ANO1: variants seen among roughly 807,000 people sequenced by gnomAD.
ANO1 encodes the protein anoctamin-1.
Under a neutral mutation model 124.0 loss-of-function variants are expected in ANO1, and 59 were observed. The ratio of observed to expected loss-of-function variants is 0.48; its 90% CI spans 0.39 to 0.59. The LOEUF (loss-of-function observed/expected upper bound fraction) is 0.59. ANO1 is among the 20% of genes least tolerant of loss of function. The pLI is 0.00. For missense variants in ANO1, 1,059 were observed against 1,328.0 expected, an observed-to-expected ratio of 0.80 and a Z score of 3.15; for synonymous variants, 529 against 532.0, an observed-to-expected ratio of 0.99 and a Z score of 0.08.
At chr11:70,067,392 A>G (rs536217467) in intron 1 of ANO1, among the ~76,000 whole-genome samples, 1 of 147,622 alleles carries the variant, frequency 6.8e-6, no homozygotes, top group East Asian at 2.0e-4. Context: ...CAGTGGCGCA[A>G]TCTCCGCTCA....
intron 11 of ANO1, among the ~76,000 whole-genome samples, chr11:70,144,408 C>G (rs932555913): frequency 2.6e-5 from 4 of 152,224 alleles, no homozygotes; most frequent in African/African-American, 9.6e-5. Context: ...GTGATAGACC[C>G]TCTCAGGCAG....
rs763332904 is a variant in ANO1 at position 70,095,360 on chromosome 11, AAG to A, written c.441+7278_441+7279del. Among the ~76,000 whole-genome samples, 114 of 22,414 alleles carry A rather than the reference AAG, an allele frequency of 5.1e-3. 5 individuals carry two copies. Among genetic ancestry groups the A allele is most frequent in the African/African-American group, 0.013 (101 of 7,668 alleles). 14.7% of individuals were successfully genotyped at this position (22,414 alleles called of 152,430 possible). ...AAAGAGAAAGAAAAAGAAAGAAAGA[AAG>A]AAAGAAAGAAAGAAAGAAAGAAAGA... On this transcript the variant is annotated intron_variant, in intron 2 of 25. Transcript: ENST00000355303.
chr11:70,159,483 T>C (rs547072495), intron 16 of ANO1, among the ~76,000 whole-genome samples: 346 of 152,322 alleles, frequency 2.3e-3, no homozygotes, highest in Non-Finnish European at 3.8e-3. Flanking sequence ...GGTAAACCCC[T>C]GTCACAAGGG....
intron 1 of ANO1, among the ~76,000 whole-genome samples, chr11:70,069,993 C>T (rs1555009113): frequency 6.6e-6 from 1 of 152,202 alleles, no homozygotes; most frequent in Non-Finnish European, 1.5e-5. Flanking sequence ...ATTTTGTCTA[C>T]ATAAGCGAAG....
chr11:69,966,195 C>G, the ANO1 span, among the ~76,000 whole-genome samples: 1 of 152,228 alleles, frequency 6.6e-6, no homozygotes, highest in Non-Finnish European at 1.5e-5. Flanking sequence ...GCAACCGTGG[C>G]TTTTCAAAGC....
intron 11 of ANO1, among the ~76,000 whole-genome samples, chr11:70,147,081 A>T (rs1203647371): frequency 1.3e-5 from 2 of 152,266 alleles, no homozygotes; most frequent in Admixed American, 1.3e-4. Context: ...CACAGCGGGT[A>T]AACAGGCCAA....
chr11:70,019,502 G>A (rs1856763491), intron 1 of ANO1, among the ~76,000 whole-genome samples: 1 of 152,140 alleles, frequency 6.6e-6, no homozygotes, highest in African/African-American at 2.4e-5. Context: ...CCCTCTGGGT[G>A]TGCAGGAGCC....
At chr11:70,047,265 C>A (rs1279106078) in intron 1 of ANO1, among the ~76,000 whole-genome samples, 1 of 151,916 alleles carries the variant, frequency 6.6e-6, no homozygotes, top group Non-Finnish European at 1.5e-5. Flanking sequence ...AAGATGTTGA[C>A]AATAAAGAAA....
chr11:69,987,378 A>G (rs1368123988), intron 1 of ANO1, among the ~76,000 whole-genome samples: 1 of 152,190 alleles, frequency 6.6e-6, no homozygotes, highest in African/African-American at 2.4e-5. Flanking sequence ...AATGCTTCAC[A>G]CATTTATCCT....
chr11:70,179,931 C>G, intron 22 of ANO1, 73 bp from the exon 23 acceptor site: 2 of 1,434,314 alleles, frequency 1.4e-6, no homozygotes, highest in South Asian at 2.3e-5. Flanking sequence ...GGTACCCGCT[C>G]AGACTGCTGC....
chr11:70,021,979 G>A (rs1410519922), intron 1 of ANO1, among the ~76,000 whole-genome samples: 2 of 152,184 alleles, frequency 1.3e-5, no homozygotes, highest in Non-Finnish European at 2.9e-5. Context: ...AGCATAAGGT[G>A]TGCTGCTGTG....
At chr11:70,166,086 G>A (rs1426075014) in intron 20 of ANO1, among the ~76,000 whole-genome samples, 4 of 152,144 alleles carry the variant, frequency 2.6e-5, no homozygotes, top group African/African-American at 9.7e-5. Flanking sequence ...GGGAGGCTGA[G>A]GCAGGCGGAT....
chr11:70,051,921 T>A lies in ANO1; in HGVS notation c.59-26621T>A, dbSNP rs77225070. The stretch of plus-strand genomic sequence containing the variant: ...GAAGATTTATCAGTCTTTTCCTTTA[T>A]GGTTACTGATTTCTGTATTCTGTTT... On this transcript the variant is annotated intron_variant, in intron 1 of 27. Coordinates refer to the ANO1 transcript ENST00000531349. 1.6e-3 allele frequency among the ~76,000 whole-genome samples: 242 copies of A among 152,364 alleles called. 6 individuals carry two copies. The East Asian group carries it at 0.042, about 26-fold the overall frequency.
In ANO1 at chr11:70,187,916, C is replaced by T. The variant is rs770219157; in HGVS notation, c.2873C>T (p.Pro958Leu). Residue 958 changes from proline (P) to leucine (L), a missense_variant, in exon 26 of 26, where the codon CCG becomes CTG. Physicochemically the swap from Pro to Leu is moderately conservative, Grantham distance 98. Around this residue, in one of 2 missense-constraint regions of ANO1, gnomAD observed 809 missense variants for 1,094.9 expected, o/e 0.74. Coordinates refer to ENST00000355303, the MANE Select transcript of ANO1 (RefSeq NM_018043.7). ...GAGAAGGAGCGGCAGAAGGACGAGC[C>T]GCCGTGCAACCACCACAACACCAAA... The part of the protein sequence containing the change: ...WMEKERQKDE[P>L]PCNHHNTKAC... The T allele has an allele frequency of 3.2e-5, 51 of 1,587,648 alleles. No homozygotes were observed. The highest frequency in any genetic ancestry group is 4.0e-5 in the Non-Finnish European group (47 of 1,168,126).
intron 1 of ANO1, among the ~76,000 whole-genome samples, chr11:70,037,134 A>G (rs782662471): frequency 6.6e-6 from 1 of 152,082 alleles, no homozygotes; most frequent in Non-Finnish European, 1.5e-5. Flanking sequence ...CAAGAGGTAC[A>G]CCCAGGTGGA....
chr11:69,996,162 CTA>C (rs10600437), intron 1 of ANO1, among the ~76,000 whole-genome samples: 152,244 of 152,244 alleles, frequency 1, 76,122 homozygotes, highest in Non-Finnish European at 1. Context: ...TCTTAATAGA[CTA>C]TATAGAAGGA....
At chr11:70,126,256 C>A in intron 10 of ANO1, 61 bp downstream of exon 10, 1 of 1,557,572 alleles carries the variant, frequency 6.4e-7, no homozygotes, top group Non-Finnish European at 8.7e-7. Context: ...CCTGCCATCC[C>A]AGCTGCACAA....
At chr11:70,149,244 A>G (rs1399609659) in intron 11 of ANO1, among the ~76,000 whole-genome samples, 1 of 152,196 alleles carries the variant, frequency 6.6e-6, no homozygotes, top group East Asian at 1.9e-4. Flanking sequence ...CATCTGTAAA[A>G]TGGGAGAATG....
intron 8 of ANO1, among the ~76,000 whole-genome samples, chr11:70,122,476 ATCTGCC>A (rs2046333274): frequency 1.4e-5 from 1 of 70,348 alleles, no homozygotes. Context: ...CTGTCTCTCC[ATCTGCC>A]TCTGTCTCTG....
Sources: allele counts gnomAD v4.1 joint callset (sites outside exome capture counted in the v4.1 genomes callset), GRCh38; gene constraint gnomAD v4.1.1; regional missense constraint gnomAD v4.1.1; transcripts MANE v1.5; gene names NCBI Gene and HGNC (gene_info 2026-07-23, HGNC 2026-07-21).